ADARB2: variants seen among roughly 807,000 people sequenced by gnomAD.
ADARB2 encodes inactive double-stranded RNA-specific editase B2.
In ADARB2, 25 loss-of-function variants were observed where a neutral mutation model predicts 62.2. That is an observed-to-expected ratio of 0.40 (90% CI 0.29 to 0.56). The LOEUF (loss-of-function observed/expected upper bound fraction) is 0.56. ADARB2 is among the 20% of genes least tolerant of loss of function. ADARB2 has a pLI of 0.43. For missense variants in ADARB2, 1,071 were observed against 1,077.4 expected (o/e 0.99, Z 0.08); for synonymous variants, 572 against 500.8 (o/e 1.14, Z -1.90).
intron 4 of ADARB2, among the ~76,000 whole-genome samples, chr10:1,246,292 G>A (rs1830986159): frequency 1.3e-5 from 2 of 150,250 alleles, no homozygotes; most frequent in South Asian, 2.2e-4. Context: ...TAGGTTGCCT[G>A]TTCACTCTGA....
At chr10:1,416,118 C>A (rs766221363) in intron 1 of ADARB2, among the ~76,000 whole-genome samples, 1 of 152,244 alleles carries the variant, frequency 6.6e-6, no homozygotes, top group Non-Finnish European at 1.5e-5. Flanking sequence ...CTTGTGATTG[C>A]CTGTCTTATT....
chr10:1,555,987 G>A (rs1462937946), intron 1 of ADARB2, among the ~76,000 whole-genome samples: 1 of 152,152 alleles, frequency 6.6e-6, no homozygotes, highest in African/African-American at 2.4e-5. Flanking sequence ...GCATGTTAAT[G>A]AAAGAATGGG....
At chr10:1,352,083 G>A (rs957397243) in intron 3 of ADARB2, among the ~76,000 whole-genome samples, 6 of 151,796 alleles carry the variant, frequency 4.0e-5, no homozygotes, top group African/African-American at 1.5e-4. Flanking sequence ...AATTACCTGG[G>A]CTGTACTGCC....
At chr10:1,272,727 C>G (rs1351828477) in intron 3 of ADARB2, among the ~76,000 whole-genome samples, 1 of 152,260 alleles carries the variant, frequency 6.6e-6, no homozygotes, top group African/African-American at 2.4e-5. Context: ...CTGCTCCCAG[C>G]TGTCCTGTCT....
intron 3 of ADARB2, among the ~76,000 whole-genome samples, chr10:1,293,165 AGGG>A (rs1188795026): frequency 1.0e-4 from 4 of 38,370 alleles, no homozygotes; most frequent in Admixed American, 2.9e-4. Flanking sequence ...GAGGGTAAGA[AGGG>A]GGGAGAGGGG....
At chr10:1,421,678 GGA>G (rs1832853719) in intron 1 of ADARB2, among the ~76,000 whole-genome samples, 1 of 152,148 alleles carries the variant, frequency 6.6e-6, no homozygotes. Flanking sequence ...GTGGAAGTCA[GGA>G]GAGTCCACGC....
intron 1 of ADARB2, among the ~76,000 whole-genome samples, chr10:1,582,094 C>A (rs1397960097): frequency 6.6e-6 from 1 of 152,192 alleles, no homozygotes; most frequent in Non-Finnish European, 1.5e-5. Flanking sequence ...CTGTCGAGGG[C>A]TAACAGCCTC....
chr10:1,483,185 G>A (rs1017345634), intron 1 of ADARB2, among the ~76,000 whole-genome samples: 5 of 152,036 alleles, frequency 3.3e-5, no homozygotes, highest in East Asian at 1.9e-4. Flanking sequence ...TAAAAGTCCC[G>A]TAAGATTTAA....
intron 6 of ADARB2, among the ~76,000 whole-genome samples, chr10:1,219,912 G>A (rs1455009428): frequency 6.9e-5 from 10 of 144,640 alleles, no homozygotes; most frequent in African/African-American, 2.6e-4. Context: ...GGTAATGGTG[G>A]TGGCGATGAT....
At chr10:1,185,248 G>C (rs1836736411) in intron 8 of ADARB2, among the ~76,000 whole-genome samples, 1 of 152,204 alleles carries the variant, frequency 6.6e-6, no homozygotes, top group African/African-American at 2.4e-5. Context: ...CCACGGCGTC[G>C]CTGCACCTGC....
intron 1 of ADARB2, among the ~76,000 whole-genome samples, chr10:1,659,418 C>T (rs1251214559): frequency 1.3e-5 from 2 of 152,154 alleles, no homozygotes; most frequent in Non-Finnish European, 2.9e-5. Flanking sequence ...CACGCGACAT[C>T]TAAAAAACGA....
At chr10:1,501,759 A>T (rs973705165) in intron 1 of ADARB2, among the ~76,000 whole-genome samples, 5 of 152,220 alleles carry the variant, frequency 3.3e-5, no homozygotes, top group African/African-American at 1.2e-4. Context: ...CTCCATAAAT[A>T]TCATTTCTCC....
intron 1 of ADARB2, among the ~76,000 whole-genome samples, chr10:1,523,564 T>C (rs746253045): frequency 6.6e-6 from 1 of 152,252 alleles, no homozygotes; most frequent in Non-Finnish European, 1.5e-5. Flanking sequence ...TTCTGCATTT[T>C]GACCATGAGC....
intron 1 of ADARB2, among the ~76,000 whole-genome samples, chr10:1,653,437 G>T (rs1262697802): frequency 6.6e-6 from 1 of 152,112 alleles, no homozygotes; most frequent in East Asian, 1.9e-4. Context: ...GGGGTCCCAG[G>T]AATGTTGGGG....
rs1429332043 is a variant in ADARB2, at chr10:1,222,464, G to C, written c.1514-5345C>G. On this transcript the variant is annotated intron_variant, in intron 6 of 9. Transcript: ENST00000381312. ...CTTGGCTTTTGTTGCCATTGCTTTT[G>C]GTGTTTTAGACATGAAGTCCTTGCC... Among the ~76,000 whole-genome samples, 6 of 150,696 alleles carry C rather than the reference G, an allele frequency of 4.0e-5. 1 individual carries two copies. Among genetic ancestry groups the C allele is most frequent in the African/African-American group, 2.5e-5 (1 of 40,028 alleles).
At chr10:1,239,380 TCCC>T (rs1298924519) in intron 5 of ADARB2, among the ~76,000 whole-genome samples, 1 of 4,746 alleles carries the variant, frequency 2.1e-4, no homozygotes, top group African/African-American at 3.6e-4. Flanking sequence ...CGGTGTTTAC[TCCC>T]CCCTGCCTCC....
Position 1,363,021 on chromosome 10 carries a change from CCCT to C in ADARB2, c.1077+4_1077+6del. ...CCCGTTCCCCCTGCACCCGCCGCGC[CCCT>C]CACCTGCGGCATTGGCGTCCTCCTG... On this transcript the variant is annotated splice_donor_5th_base_variant and intron_variant, in intron 3 of 9. Transcript: ENST00000381312. 1 of 1,365,604 alleles carries C rather than the reference CCCT, an allele frequency of 7.3e-7. No homozygotes were observed. Among genetic ancestry groups the C allele is most frequent in the South Asian group, 1.8e-5 (1 of 56,172 alleles). 84.6% of individuals were successfully genotyped at this position (1,365,604 alleles called of 1,614,324 possible). A position where few individuals can be genotyped will look rare whatever the true frequency, so the allele number is the denominator to read the frequency against.
intron 1 of ADARB2, among the ~76,000 whole-genome samples, chr10:1,552,058 C>T (rs1169086798): frequency 2.0e-5 from 3 of 152,108 alleles, no homozygotes; most frequent in African/African-American, 7.2e-5. Flanking sequence ...CCTGAGCCTC[C>T]TCCCTCGCAG....
chr10:1,616,181 G>C (rs1833630208), intron 1 of ADARB2, among the ~76,000 whole-genome samples: 1 of 152,216 alleles, frequency 6.6e-6, no homozygotes, highest in African/African-American at 2.4e-5. Context: ...CATAGGAAGG[G>C]CATTGATGGT....
Sources: gnomAD v4.1 joint callset for allele counts (sites outside exome capture counted in the v4.1 genomes callset) on GRCh38, gnomAD v4.1.1 for gene constraint, MANE v1.5 for transcripts, NCBI Gene and HGNC (gene_info 2026-07-23, HGNC 2026-07-21) for gene names.